Variants in SLC36A1 observed in about 807,000 individuals in gnomAD.
SLC36A1 encodes proton-coupled amino acid transporter 1.
A neutral mutation model predicts 47.5 loss-of-function variants in SLC36A1; 30 were observed. That is an observed-to-expected ratio of 0.63 (90% CI 0.47 to 0.86). The LOEUF is 0.86. Ranked by LOEUF, SLC36A1 falls within the 40% of genes least tolerant of loss-of-function variation. SLC36A1 has a pLI of 0.00. For missense variants in SLC36A1, 517 were observed against 606.0 expected, an observed-to-expected ratio of 0.85 and a Z score of 1.54; for synonymous variants, 255 against 249.7, an observed-to-expected ratio of 1.02 and a Z score of -0.20.
the SLC36A1 span, among the ~76,000 whole-genome samples, chr5:151,379,584 G>A: frequency 1.5e-4 from 23 of 152,082 alleles, no homozygotes; most frequent in African/African-American, 4.6e-4. Flanking sequence ...TGCCCGCCTC[G>A]GCCTCCCAAA....
chr5:151,473,769 A>T lies in SLC36A1; in HGVS notation c.820A>T (p.Met274Leu), dbSNP rs199519900. ...TAIFSFEGIG[M>L]VLPLENKMKD... is the part of the protein sequence containing the mutation. Reference sequence around the variant, plus strand: ...GATTTTTTCATTTGAAGGCATTGGAATGGTAAGAGCTGCACTGTGATTTGG... The same window carrying T: ...GATTTTTTCATTTGAAGGCATTGGATTGGTAAGAGCTGCACTGTGATTTGG... Residue 274 changes from methionine (M) to leucine (L), a missense_variant and splice_region_variant, in exon 8 of 11, where the codon ATG becomes TTG. By Grantham distance (15) the Met-to-Leu change is conservative (BLOSUM62 2). Transcript: ENST00000243389. The T allele has an allele frequency of 1.9e-6, 3 of 1,611,926 alleles. No individual in the cohort carries two copies. Among genetic ancestry groups the T allele is most frequent in the Non-Finnish European group, 2.5e-6 (3 of 1,178,090 alleles).
At chr5:151,358,918 G>A in the SLC36A1 span, among the ~76,000 whole-genome samples, 1 of 145,778 alleles carries the variant, frequency 6.9e-6, no homozygotes. Context: ...AGCTTGCAGT[G>A]AGCCGAGATT....
chr5:151,488,300 C>A lies in SLC36A1; in HGVS notation c.*46C>A, dbSNP rs761396609. On this transcript the variant is annotated 3_prime_UTR_variant, in exon 11 of 11. Coordinates refer to ENST00000243389, the MANE Select transcript of SLC36A1 (RefSeq NM_078483.4). ...AGCTGCCTACCCCTGCCCCATGTGTCCCCCGTTACCTGTCCTCAGAGCCTC... is the reference window on the plus strand; with the variant it reads ...AGCTGCCTACCCCTGCCCCATGTGTACCCCGTTACCTGTCCTCAGAGCCTC... The A allele has an allele frequency of 6.9e-6, 11 of 1,592,928 alleles. No individual in the cohort carries two copies. The highest frequency in any genetic ancestry group is 1.1e-5 in the South Asian group (1 of 87,456).
intron 7 of SLC36A1, among the ~76,000 whole-genome samples, chr5:151,472,894 G>A (rs1180710509): frequency 4.6e-5 from 7 of 152,152 alleles, no homozygotes; most frequent in South Asian, 2.1e-4. Flanking sequence ...CTGGCCAGGC[G>A]CAGTGGCCAA....
In SLC36A1 at chr5:151,485,443, G is replaced by C. The variant is rs1378063678; in HGVS notation, c.1160-2540G>C. ...AGAGGTCAGGGCTGATCGTGTGCTG[G>C]GTTCTCCACCATGCACCATGGTGCA... is the stretch of plus-strand genomic sequence containing the variant. On this transcript the variant is annotated intron_variant, in intron 10 of 10. Transcript: ENST00000243389. 3.9e-5 allele frequency among the ~76,000 whole-genome samples: 6 copies of C among 152,250 alleles called. No individual in the cohort carries two copies. The East Asian group carries it at 1.2e-3, about 29-fold the overall frequency.
the SLC36A1 span, among the ~76,000 whole-genome samples, chr5:151,369,146 G>A: frequency 6.6e-6 from 1 of 152,086 alleles, no homozygotes; most frequent in Non-Finnish European, 1.5e-5. Context: ...CTATTGACTG[G>A]AAAAACAAAA....
At chr5:151,544,121 C>A in the SLC36A1 span, 2 of 1,614,198 alleles carry the variant, frequency 1.2e-6, no homozygotes, top group Non-Finnish European at 8.5e-7. Flanking sequence ...TAATCCAGTT[C>A]TTGAACTGTG....
chr5:151,360,005 T>C, the SLC36A1 span, among the ~76,000 whole-genome samples: 1 of 152,246 alleles, frequency 6.6e-6, no homozygotes, highest in African/African-American at 2.4e-5. Flanking sequence ...ACGTTTTTTG[T>C]GGACGTAAGT....
At chr5:151,475,255 T>G (rs941724452) in intron 8 of SLC36A1, among the ~76,000 whole-genome samples, 7 of 152,340 alleles carry the variant, frequency 4.6e-5, no homozygotes, top group African/African-American at 1.7e-4. Flanking sequence ...CCCAGAGACC[T>G]TAGGTTCTTG....
At chr5:151,533,845 G>A in the SLC36A1 span, among the ~76,000 whole-genome samples, 1,988 of 152,082 alleles carry the variant, frequency 0.013, 57 homozygotes, top group African/African-American at 0.046. Flanking sequence ...CTTTGTGGTA[G>A]CATAAGCTAT....
At chr5:151,410,256 T>C in the SLC36A1 span, among the ~76,000 whole-genome samples, 2 of 147,978 alleles carry the variant, frequency 1.4e-5, no homozygotes, top group Non-Finnish European at 3.0e-5. Flanking sequence ...CAATATGTAT[T>C]TGTTCAATGA....
chr5:151,375,750 G>A, the SLC36A1 span, among the ~76,000 whole-genome samples: 1 of 151,978 alleles, frequency 6.6e-6, no homozygotes, highest in African/African-American at 2.4e-5. Context: ...ATTTTTTGTA[G>A]CTAATGTAAA....
At chr5:151,397,488 G>A in the SLC36A1 span, among the ~76,000 whole-genome samples, 5 of 152,118 alleles carry the variant, frequency 3.3e-5, no homozygotes, top group Admixed American at 2.6e-4. Flanking sequence ...ACTGAGAAGT[G>A]GTAAGAATGT....
At chr5:151,410,739 T>TGTTTTTGCAGGA in the SLC36A1 span, among the ~76,000 whole-genome samples, 1 of 144,778 alleles carries the variant, frequency 6.9e-6, no homozygotes, top group Admixed American at 6.8e-5. Context: ...GAGAAATTTA[T>TGTTTTTGCAGGA]GGAGACCTTT....
At chr5:151,367,361 A>ATTTGTTTTTTTTTTTTTTTTTTTTT in the SLC36A1 span, among the ~76,000 whole-genome samples, 1 of 118,846 alleles carries the variant, frequency 8.4e-6, no homozygotes, top group Non-Finnish European at 1.7e-5. Context: ...CCAGGAATGC[A>ATTTGTTTTTTTTTTTTTTTTTTTTT]TTTTTTTTTT....
At chr5:151,484,416 G>A (rs1312311908) in intron 10 of SLC36A1, among the ~76,000 whole-genome samples, 4 of 152,172 alleles carry the variant, frequency 2.6e-5, no homozygotes, top group South Asian at 2.1e-4. Context: ...CCATGTGTTC[G>A]AGGCTTGGAG....
At chr5:151,521,846 G>T in the SLC36A1 span, 1 of 1,614,218 alleles carries the variant, frequency 6.2e-7, no homozygotes, top group Middle Eastern at 1.6e-4. Flanking sequence ...TTGCCATCAG[G>T]CGCACCCACT....
the SLC36A1 span, chr5:151,425,471 G>A: frequency 6.6e-6 from 1 of 152,340 alleles, no homozygotes; most frequent in African/African-American, 2.4e-5. Flanking sequence ...AACTGCCTGG[G>A]GAAGAGCTGG....
chr5:151,458,436 G>C lies in SLC36A1; in HGVS notation c.-5-352G>C, dbSNP rs1043067463. 4.6e-5 allele frequency among the ~76,000 whole-genome samples: 7 copies of C among 151,678 alleles called. No homozygotes were observed. The East Asian group carries it at 1.2e-3, about 25-fold the overall frequency. ...AGATAATCCTGACCTAAGGAATAGGGAATGCGGAATTCCAGGAAGCACTTC... is the reference window on the plus strand; with the variant it reads ...AGATAATCCTGACCTAAGGAATAGGCAATGCGGAATTCCAGGAAGCACTTC... On this transcript the variant is annotated intron_variant, in intron 1 of 10. Coordinates refer to ENST00000243389, the MANE Select transcript of SLC36A1 (RefSeq NM_078483.4).
Sources: gnomAD v4.1 joint callset for allele counts (sites outside exome capture counted in the v4.1 genomes callset) on GRCh38, gnomAD v4.1.1 for gene constraint, MANE v1.5 for transcripts, NCBI Gene and HGNC (gene_info 2026-07-23, HGNC 2026-07-21) for gene names.